KHDC4: variants seen among roughly 807,000 people sequenced by gnomAD.
KHDC4 encodes KH domain containing 4, pre-mRNA splicing factor.
KHDC4 carries 19 observed loss-of-function variants against 74.5 expected under a neutral mutation model. That is an observed-to-expected ratio of 0.26 (90% CI 0.18 to 0.37). KHDC4 has a LOEUF of 0.37. KHDC4 is among the 10% of genes least tolerant of loss of function. The pLI is 1.00. For synonymous variants in KHDC4, 253 were observed against 266.1 expected, an observed-to-expected ratio of 0.95 and a Z score of 0.48; for missense variants, 632 against 754.1, an observed-to-expected ratio of 0.84 and a Z score of 1.90.
intron 10 of KHDC4, among the ~76,000 whole-genome samples, chr1:155,920,491 G>C (rs1673838322): frequency 6.6e-6 from 1 of 152,116 alleles, no homozygotes; most frequent in African/African-American, 2.4e-5. Flanking sequence ...AAACATACCA[G>C]CATTTATAAT....
chr1:155,914,082 G>T lies in KHDC4; in HGVS notation c.*39C>A. 6.6e-7 allele frequency: 1 copy of T among 1,521,810 alleles called. No individual in the cohort carries two copies. The highest frequency in any genetic ancestry group is 1.1e-5 in the South Asian group (1 of 89,152). The allele number at this position is 1,521,810 out of a possible 1,614,324, so 94.3% of individuals were successfully genotyped here. On this transcript the variant is annotated 3_prime_UTR_variant, in exon 14 of 14. Coordinates refer to ENST00000368321, the MANE Select transcript of KHDC4 (RefSeq NM_014949.4). ...AATCAAATGCATGCATTATTGCTAA[G>T]AAGAGTCACTGAGGGTCAAAACTCT... is the stretch of plus-strand genomic sequence containing the variant.
intron 13 of KHDC4, 55 bp downstream of exon 13, chr1:155,915,818 T>TA: frequency 8.5e-7 from 1 of 1,172,190 alleles, no homozygotes; most frequent in Non-Finnish European, 1.2e-6. Context: ...AGAAAACTAA[T>TA]AGCTTTAGAC....
intron 7 of KHDC4, among the ~76,000 whole-genome samples, chr1:155,925,323 G>A (rs1673965753): frequency 6.6e-6 from 1 of 151,990 alleles, no homozygotes; most frequent in South Asian, 2.1e-4. Context: ...GAGCCACCGT[G>A]CCCGCCTAAT....
chr1:155,922,065 CA>C, intron 8 of KHDC4, 147 bp from the exon 9 acceptor site: 1 of 363,400 alleles, frequency 2.8e-6, no homozygotes, highest in East Asian at 6.0e-5. Context: ...GTTTAACCCA[CA>C]TTTTTTTTTT....
chr1:155,928,593 C>CAAAAAAAAA (rs10555758), intron 4 of KHDC4, among the ~76,000 whole-genome samples: 96 of 89,234 alleles, frequency 1.1e-3, no homozygotes, highest in Non-Finnish European at 1.4e-3. Flanking sequence ...ATCATAAAGA[C>CAAAAAAAAA]AAAAAAAAAA....
chr1:155,921,081 G>C (rs1312833826), intron 10 of KHDC4, among the ~76,000 whole-genome samples: 1 of 152,114 alleles, frequency 6.6e-6, no homozygotes, highest in Non-Finnish European at 1.5e-5. Context: ...AGAATGTATG[G>C]CCCTTAAAGC....
chr1:155,933,951 T>C lies in KHDC4; in HGVS notation c.39-102A>G, dbSNP rs2275078. ...CCCATTTTCCCTCTATTATATTCCA[T>C]TTACACCTCCGAATCACCTTCCAAA... is the stretch of plus-strand genomic sequence containing the variant. On this transcript the variant is annotated intron_variant, in intron 1 of 13. Transcript: ENST00000368321. 2.4e-3 allele frequency: 2,128 copies of C among 900,810 alleles called. 52 individuals are homozygous for C. In the East Asian group the frequency reaches 0.054, roughly 23 times the overall value. The allele number at this position is 900,810 out of a possible 1,614,324, so 55.8% of individuals were successfully genotyped here.
chr1:155,930,818 C>G (rs1364108928), intron 2 of KHDC4, among the ~76,000 whole-genome samples: 1 of 152,124 alleles, frequency 6.6e-6, no homozygotes, highest in Admixed American at 6.6e-5. Context: ...AGTTTGTGAT[C>G]AGCCTGGTCA....
chr1:155,919,847 A>T (rs1673816796), intron 10 of KHDC4: 1 of 208,810 alleles, frequency 4.8e-6, no homozygotes, highest in Non-Finnish European at 9.9e-6. Context: ...ATAAATAAAT[A>T]AAATAAAATA....
intron 12 of KHDC4, 98 bp downstream of exon 12, chr1:155,916,525 TCA>T: frequency 8.9e-6 from 7 of 785,058 alleles, no homozygotes; most frequent in Non-Finnish European, 1.4e-5. Flanking sequence ...AGATTTCATT[TCA>T]GTTTCAGAAT....
intron 6 of KHDC4, chr1:155,926,457 G>A (rs181177021): frequency 8.7e-5 from 44 of 503,602 alleles, no homozygotes; most frequent in African/African-American, 6.7e-4. Flanking sequence ...AGCCTCCCAA[G>A]TAGCTGGGGT....
At chr1:155,920,046 T>C (rs1376716542) in intron 10 of KHDC4, 3 of 507,994 alleles carry the variant, frequency 5.9e-6, no homozygotes, top group Non-Finnish European at 1.2e-5. Flanking sequence ...ATTACCATGC[T>C]CTCATTAAGT....
At chr1:155,922,391 C>T (rs562294057) in intron 8 of KHDC4, among the ~76,000 whole-genome samples, 30 of 152,228 alleles carry the variant, frequency 2.0e-4, no homozygotes, top group African/African-American at 5.3e-4. Context: ...ATTATCTGCC[C>T]GCCTTGGCCT....
intron 10 of KHDC4, among the ~76,000 whole-genome samples, chr1:155,920,986 G>A (rs1205383810): frequency 6.6e-6 from 1 of 152,160 alleles, no homozygotes; most frequent in African/African-American, 2.4e-5. Context: ...AGTTCTACTG[G>A]AGTACAACAG....
chr1:155,914,293 G>A lies in KHDC4; in HGVS notation c.1673C>T (p.Thr558Ile), dbSNP rs750887496. Residue 558 changes from threonine (T) to isoleucine (I), a missense_variant, in exon 14 of 14, where the codon ACA (threonine) becomes ATA (isoleucine). Coordinates refer to ENST00000368321, the MANE Select transcript of KHDC4 (RefSeq NM_014949.4). ...HDYPAKKMKTTEKGFGLVAYA... is the reference protein window; with the variant it reads ...HDYPAKKMKTIEKGFGLVAYA... Reference sequence around the variant, plus strand: ...AGCCACCAAGCCAAATCCCTTCTCTGTAGTTTTCATCTTCTTGGCTGGATA... The same window carrying A: ...AGCCACCAAGCCAAATCCCTTCTCTATAGTTTTCATCTTCTTGGCTGGATA... 4 of 1,612,968 alleles carry A rather than the reference G, an allele frequency of 2.5e-6. No homozygotes were observed. The highest frequency in any genetic ancestry group is 1.7e-4 in the Middle Eastern group (1 of 6,060).
intron 10 of KHDC4, among the ~76,000 whole-genome samples, chr1:155,920,974 A>AT (rs2102600167): frequency 6.6e-6 from 1 of 152,336 alleles, no homozygotes; most frequent in East Asian, 1.9e-4. Flanking sequence ...TTTTGTAAAT[A>AT]AAGTTCTACT....
chr1:155,929,864 A>T, intron 2 of KHDC4, 24 bp from the exon 3 acceptor site: 1 of 1,527,516 alleles, frequency 6.5e-7, no homozygotes, highest in Non-Finnish European at 8.8e-7. Flanking sequence ...AAATTAGATT[A>T]AAAAGTTTTT....
At chr1:155,919,537 G>A (rs1051739002) in intron 10 of KHDC4, among the ~76,000 whole-genome samples, 6 of 151,952 alleles carry the variant, frequency 3.9e-5, no homozygotes, top group African/African-American at 1.5e-4. Context: ...TAGGCCGGGC[G>A]CGGTGGCTCA....
chr1:155,923,738 G>A (rs1356798197), intron 7 of KHDC4, 51 bp from the exon 8 acceptor site: 1 of 1,341,086 alleles, frequency 7.5e-7, no homozygotes. Flanking sequence ...AATAAAAGAT[G>A]CAGAATTCTG....
Sources: gnomAD v4.1 joint callset for allele counts (sites outside exome capture counted in the v4.1 genomes callset) on GRCh38, gnomAD v4.1.1 for gene constraint, MANE v1.5 for transcripts, NCBI Gene and HGNC (gene_info 2026-07-23, HGNC 2026-07-21) for gene names.